The following DCC variants were observed in gnomAD, a reference collection of about 807,000 sequenced individuals.
DCC encodes DCC netrin 1 receptor.
In DCC, 58 loss-of-function variants were observed where a neutral mutation model predicts 172.5. The observed-to-expected ratio is 0.34, with a 90% confidence interval of 0.27 to 0.42. DCC has a LOEUF of 0.42. DCC is among the 10% of genes least tolerant of loss of function. The probability of loss-of-function intolerance (pLI) is 1.00; values close to 1 mark genes in which losing one functional copy is unlikely to be tolerated. For synonymous variants in DCC, 709 were observed against 644.5 expected (o/e 1.10, Z -1.52); for missense variants, 1,740 against 1,791.0 (o/e 0.97, Z 0.51).
At chr18:53,170,517 G>A (rs1269135562) in intron 8 of DCC, among the ~76,000 whole-genome samples, 3 of 152,110 alleles carry the variant, frequency 2.0e-5, no homozygotes. Context: ...ATTAAGTTAT[G>A]TCCTCAGATT....
In DCC at chr18:53,157,512, G is replaced by T. The variant is rs749959191; in HGVS notation, c.1418G>T (p.Arg473Met). 3 of 1,613,904 alleles carry T rather than the reference G, an allele frequency of 1.9e-6. No homozygotes were observed. The highest frequency in any genetic ancestry group is 1.1e-5 in the South Asian group (1 of 91,074). ...TTTTTCTCCAGAGAAGGTGACAACAGGTAGGTGATGCTACCAATAAAATTC... is the reference window on the plus strand; with the variant it reads ...TTTTTCTCCAGAGAAGGTGACAACATGTAGGTGATGCTACCAATAAAATTC... The part of the protein sequence containing the change: ...TVFFSREGDN[R>M]ERALNTTQPG... The change falls in exon 8 of 29, where the codon AGG (arginine) becomes ATG (methionine). Residue 473 changes from arginine (R) to methionine (M), a missense_variant and splice_region_variant. Transcript: ENST00000442544.
Position 53,474,588 on chromosome 18 carries a change from C to T in DCC, c.3736+6578C>T, listed in dbSNP as rs569184855. Among the ~76,000 whole-genome samples the T allele has an allele frequency of 2.0e-5, 3 of 152,320 alleles. No individual in the cohort carries two copies. The East Asian group carries it at 5.8e-4, about 29-fold the overall frequency. Reference sequence around the variant, plus strand: ...AAATGGGAGTCTCCCTGCACAAGCTCTCTTCTCTTCTCTGCTGCCATGTGA... The same window carrying T: ...AAATGGGAGTCTCCCTGCACAAGCTTTCTTCTCTTCTCTGCTGCCATGTGA... On this transcript the variant is annotated intron_variant, in intron 25 of 28. Coordinates refer to ENST00000442544, the MANE Select transcript of DCC (RefSeq NM_005215.4).
chr18:53,100,569 T>C (rs1206496834), intron 7 of DCC, among the ~76,000 whole-genome samples: 1 of 145,554 alleles, frequency 6.9e-6, no homozygotes, highest in Non-Finnish European at 1.5e-5. Context: ...GGGAGTAGAG[T>C]CAGAGAAAAG....
chr18:52,738,107 A>T (rs965117127), intron 1 of DCC, among the ~76,000 whole-genome samples: 1 of 152,152 alleles, frequency 6.6e-6, no homozygotes, highest in Non-Finnish European at 1.5e-5. Context: ...GCGCAAAAAA[A>T]TTTATTATCT....
intron 3 of DCC, among the ~76,000 whole-genome samples, chr18:52,911,741 T>G (rs1296515973): frequency 1.3e-5 from 2 of 148,870 alleles, no homozygotes; most frequent in African/African-American, 4.9e-5. Flanking sequence ...TTTTTTTTTT[T>G]GCTGCATTGT....
intron 5 of DCC, among the ~76,000 whole-genome samples, chr18:53,018,538 A>C (rs191186249): frequency 1.2e-4 from 18 of 152,270 alleles, no homozygotes; most frequent in African/African-American, 4.3e-4. Context: ...TTCAATTTAA[A>C]TATCTCTTTC....
chr18:53,413,139 GGAT>G (rs1247710979), intron 20 of DCC, among the ~76,000 whole-genome samples: 1 of 152,160 alleles, frequency 6.6e-6, no homozygotes, highest in Non-Finnish European at 1.5e-5. Flanking sequence ...TAGAGAGGAA[GGAT>G]GCTCCCAATG....
intron 7 of DCC, among the ~76,000 whole-genome samples, chr18:53,126,067 A>G (rs531181828): frequency 1.2e-4 from 18 of 152,250 alleles, no homozygotes; most frequent in African/African-American, 4.3e-4. Context: ...AGAGGAAGAG[A>G]TATTTTAAAG....
chr18:53,099,566 TGAAATG>T (rs1233135149), intron 7 of DCC, among the ~76,000 whole-genome samples: 2 of 152,146 alleles, frequency 1.3e-5, no homozygotes, highest in Non-Finnish European at 2.9e-5. Flanking sequence ...TCCTATTCTG[TGAAATG>T]GAATGGGAAT....
intron 1 of DCC, among the ~76,000 whole-genome samples, chr18:52,380,697 G>A (rs1174534229): frequency 6.6e-6 from 1 of 152,036 alleles, no homozygotes; most frequent in Non-Finnish European, 1.5e-5. Flanking sequence ...AAATGAGGAT[G>A]TTGAGTCATG....
chr18:53,255,465 G>A (rs895558430), intron 12 of DCC, among the ~76,000 whole-genome samples: 5 of 148,062 alleles, frequency 3.4e-5, no homozygotes, highest in African/African-American at 7.5e-5. Flanking sequence ...AACATGTGGT[G>A]TTTGGTTTTT....
chr18:53,057,337 A>G (rs1300484398), intron 5 of DCC, among the ~76,000 whole-genome samples: 1 of 152,106 alleles, frequency 6.6e-6, no homozygotes, highest in East Asian at 1.9e-4. Flanking sequence ...TTGCCTGTAC[A>G]ACTCTTAACA....
chr18:52,459,595 G>A (rs1411228367), intron 1 of DCC, among the ~76,000 whole-genome samples: 1 of 151,878 alleles, frequency 6.6e-6, no homozygotes, highest in Non-Finnish European at 1.5e-5. Context: ...AGCCTCCCCA[G>A]TAGCTGGGAC....
chr18:53,157,250 G>A (rs2054753414), intron 7 of DCC, 106 bp from the exon 8 acceptor site: 2 of 1,337,274 alleles, frequency 1.5e-6, no homozygotes, highest in African/African-American at 1.4e-5. Flanking sequence ...TAGAATCAAG[G>A]TGACTATGAC....
At chr18:53,088,215 T>C (rs571635684) in intron 7 of DCC, among the ~76,000 whole-genome samples, 1 of 152,348 alleles carries the variant, frequency 6.6e-6, no homozygotes, top group Non-Finnish European at 1.5e-5. Flanking sequence ...TTTCACGATA[T>C]TGATTCCTCC....
At chr18:52,343,773 G>T (rs1983758936) in intron 1 of DCC, among the ~76,000 whole-genome samples, 1 of 152,250 alleles carries the variant, frequency 6.6e-6, no homozygotes, top group Non-Finnish European at 1.5e-5. Context: ...GTCTGGATAT[G>T]CTGAAATGAG....
At chr18:53,299,029 C>T (rs2144765971) in intron 12 of DCC, among the ~76,000 whole-genome samples, 2 of 152,258 alleles carry the variant, frequency 1.3e-5, no homozygotes, top group Middle Eastern at 3.4e-3. Flanking sequence ...CCACTCACCA[C>T]TAAGATGAGT....
intron 28 of DCC, among the ~76,000 whole-genome samples, chr18:53,529,022 TCTCTCTCTCTCTCTCTCACA>T (rs1431330432): frequency 5.7e-4 from 74 of 130,564 alleles, no homozygotes; most frequent in African/African-American, 2.1e-3. Flanking sequence ...TCTCTCTCTC[TCTCTCTCTCTCTCTCTCACA>T]CACACACACA....
intron 20 of DCC, 136 bp from the exon 21 acceptor site, chr18:53,415,988 G>T: frequency 1.4e-6 from 1 of 711,502 alleles, no homozygotes; most frequent in Non-Finnish European, 2.6e-6. Flanking sequence ...GTAAGTTTGG[G>T]TCCTTATCAA....
Sources: allele counts gnomAD v4.1 joint callset (sites outside exome capture counted in the v4.1 genomes callset), GRCh38; gene constraint gnomAD v4.1.1; transcripts MANE v1.5; gene names NCBI Gene and HGNC (gene_info 2026-07-23, HGNC 2026-07-21).